WWC2: variants seen among roughly 807,000 people sequenced by gnomAD.
WWC2 encodes protein WWC2.
In WWC2, 101 loss-of-function variants were observed where a neutral mutation model predicts 138.5. The observed-to-expected ratio is 0.73, with a 90% confidence interval of 0.62 to 0.86. The LOEUF (loss-of-function observed/expected upper bound fraction) is 0.86. Among genes scored for constraint, WWC2 ranks in the 40% least tolerant of loss-of-function variants. WWC2 has a pLI of 0.00. For synonymous variants in WWC2, 558 were observed against 538.4 expected, an observed-to-expected ratio of 1.04 and a Z score of -0.50; for missense variants, 1,420 against 1,419.4, an observed-to-expected ratio of 1.00 and a Z score of -0.01.
intron 1 of WWC2, among the ~76,000 whole-genome samples, chr4:183,169,345 T>C (rs1057169016): frequency 6.6e-6 from 1 of 152,252 alleles, no homozygotes; most frequent in Non-Finnish European, 1.5e-5. Context: ...ACAAGTACGC[T>C]TCATGTGTTT....
Position 183,280,798 on chromosome 4 carries a change from C to T in WWC2, c.2585C>T (p.Ala862Val). Reference sequence around the variant, plus strand: ...CAGGATGCAGTGTCAGCCTTACTTGCAAGAACATCAGCTGAGTTGTTAGCT... The same window carrying T: ...CAGGATGCAGTGTCAGCCTTACTTGTAAGAACATCAGCTGAGTTGTTAGCT... ...IDLDAVSALL[A>V]RTSAELLAVE... The change falls in exon 17 of 23, where the codon GCA (alanine) becomes GTA (valine). Residue 862 changes from alanine (A) to valine (V), a missense_variant. Ala to Val is a moderately conservative substitution (Grantham distance 64). Coordinates refer to ENST00000403733, the MANE Select transcript of WWC2 (RefSeq NM_024949.6). The T allele has an allele frequency of 6.2e-7, 1 of 1,604,544 alleles. No homozygotes were observed. The highest frequency in any genetic ancestry group is 8.5e-7 in the Non-Finnish European group (1 of 1,175,498).
At chr4:183,185,083 C>T (rs1231749905) in intron 1 of WWC2, among the ~76,000 whole-genome samples, 2 of 151,940 alleles carry the variant, frequency 1.3e-5, no homozygotes, top group South Asian at 2.1e-4. Context: ...TGAAGTTTAC[C>T]GATCAGTATT....
chr4:183,233,128 T>C (rs1358552841), intron 4 of WWC2, among the ~76,000 whole-genome samples: 2 of 146,570 alleles, frequency 1.4e-5, no homozygotes, highest in Non-Finnish European at 3.0e-5. Flanking sequence ...TTACTGTGTA[T>C]TTTTTTTTTC....
intron 14 of WWC2, among the ~76,000 whole-genome samples, chr4:183,268,273 T>C (rs1377929535): frequency 1.3e-5 from 2 of 152,180 alleles, no homozygotes; most frequent in African/African-American, 4.8e-5. Flanking sequence ...TTTCTAAGAA[T>C]TGTGGGTCCT....
chr4:183,275,449 T>C (rs1411939856), intron 16 of WWC2, among the ~76,000 whole-genome samples: 1 of 152,166 alleles, frequency 6.6e-6, no homozygotes, highest in African/African-American at 2.4e-5. Flanking sequence ...GGCTTTTTCA[T>C]AGATGTCCTT....
Position 183,319,844 on chromosome 4 carries a change from C to T in WWC2, c.*4115C>T, listed in dbSNP as rs1367221246. The T allele has an allele frequency of 1.9e-6, 3 of 1,613,866 alleles. No homozygotes were observed. Among genetic ancestry groups the T allele is most frequent in the African/African-American group, 2.7e-5 (2 of 74,918 alleles). On this transcript the variant is annotated 3_prime_UTR_variant, in exon 23 of 23. Coordinates refer to ENST00000403733, the MANE Select transcript of WWC2 (RefSeq NM_024949.6). ...GGGCTGTGACTCCCGAGGCCCAGGA[C>T]AGAATTCCTCCCAGGATCAGCAGTC... is the stretch of plus-strand genomic sequence containing the variant.
At chr4:183,229,320 A>C (rs1736171370) in intron 4 of WWC2, among the ~76,000 whole-genome samples, 1 of 152,096 alleles carries the variant, frequency 6.6e-6, no homozygotes, top group Admixed American at 6.5e-5. Context: ...TTAGTGAGTA[A>C]AACTTTGAAA....
intron 9 of WWC2, among the ~76,000 whole-genome samples, chr4:183,259,367 T>C (rs1241945069): frequency 6.6e-6 from 1 of 152,162 alleles, no homozygotes; most frequent in African/African-American, 2.4e-5. Flanking sequence ...CAAAGGACCA[T>C]ATTACTTACC....
chr4:183,204,236 T>C (rs1735382771), intron 2 of WWC2, among the ~76,000 whole-genome samples: 1 of 152,150 alleles, frequency 6.6e-6, no homozygotes, highest in African/African-American at 2.4e-5. Context: ...TGCAGGTGAG[T>C]TAGCGAAGTG....
intron 1 of WWC2, among the ~76,000 whole-genome samples, chr4:183,131,076 T>C (rs1400716467): frequency 6.6e-6 from 1 of 152,048 alleles, no homozygotes; most frequent in Non-Finnish European, 1.5e-5. Flanking sequence ...ACCCACACAA[T>C]TGTGGACATT....
intron 21 of WWC2, among the ~76,000 whole-genome samples, chr4:183,298,320 G>A (rs1469490239): frequency 2.0e-5 from 3 of 152,182 alleles, no homozygotes; most frequent in African/African-American, 7.2e-5. Context: ...TGTCAGAGGA[G>A]TTGAACCTCA....
chr4:183,275,453 T>C (rs1322553045), intron 16 of WWC2, among the ~76,000 whole-genome samples: 1 of 152,166 alleles, frequency 6.6e-6, no homozygotes, highest in Non-Finnish European at 1.5e-5. Flanking sequence ...TTTTCATAGA[T>C]GTCCTTTATC....
chr4:183,319,938 C>T lies in WWC2; in HGVS notation c.*4209C>T. Reference sequence around the variant, plus strand: ...CAGGCCAAACCCAGAGACCAGCAGGCCCAGAAATCCCAGCCCATTTGACAG... The same window carrying T: ...CAGGCCAAACCCAGAGACCAGCAGGTCCAGAAATCCCAGCCCATTTGACAG... On this transcript the variant is annotated 3_prime_UTR_variant, in exon 23 of 23. Transcript: ENST00000403733. The T allele has an allele frequency of 6.2e-7, 1 of 1,613,430 alleles. No individual in the cohort carries two copies. Among genetic ancestry groups the T allele is most frequent in the Non-Finnish European group, 8.5e-7 (1 of 1,179,626 alleles).
At position 183,099,513 on chromosome 4, in the gene WWC2, G is replaced by T. The variant is rs1163631197; in HGVS notation, c.22G>T (p.Gly8Cys). MPRRAGS[G>C]QLPLPRGWEE... ...GACCATGCCTAGGAGGGCCGGGAGC[G>T]GTCAGCTGCCGCTGCCCCGGGGCTG... is the stretch of plus-strand genomic sequence containing the variant. The change falls in exon 1 of 23, where the codon GGT (glycine) becomes TGT (cysteine). Residue 8 changes from glycine (G) to cysteine (C), a missense_variant. Coordinates refer to ENST00000403733, the MANE Select transcript of WWC2 (RefSeq NM_024949.6). 4.3e-6 allele frequency: 6 copies of T among 1,389,190 alleles called. No homozygotes were observed. Among genetic ancestry groups the T allele is most frequent in the Middle Eastern group, 1.9e-4 (1 of 5,170 alleles). 86.1% of individuals were successfully genotyped at this position (1,389,190 alleles called of 1,614,324 possible).
chr4:183,258,962 T>C (rs1167189272), intron 9 of WWC2, among the ~76,000 whole-genome samples: 1 of 131,594 alleles, frequency 7.6e-6, no homozygotes, highest in Non-Finnish European at 1.7e-5. Flanking sequence ...TATAATGCTG[T>C]ACTCTTAAAA....
chr4:183,317,729 C>T lies in WWC2; in HGVS notation c.*2000C>T, dbSNP rs1238987702. The T allele has an allele frequency of 6.6e-6, 1 of 152,298 alleles. No individual in the cohort carries two copies. Among genetic ancestry groups the T allele is most frequent in the Admixed American group, 6.5e-5 (1 of 15,282 alleles). 9.4% of individuals were successfully genotyped at this position (152,298 alleles called of 1,614,324 possible). ...TTTTAAATATTTGACACAGAAGAGA[C>T]TATATTGGAATATTTACAGCTTTAT... On this transcript the variant is annotated 3_prime_UTR_variant, in exon 23 of 23. Coordinates refer to ENST00000403733, the MANE Select transcript of WWC2 (RefSeq NM_024949.6).
chr4:183,159,977 C>T (rs1487136088), intron 1 of WWC2, among the ~76,000 whole-genome samples: 1 of 152,166 alleles, frequency 6.6e-6, no homozygotes, highest in Non-Finnish European at 1.5e-5. Context: ...GCATTTCTCA[C>T]TTTGCCTGAT....
rs557607513 is a variant in WWC2, at chr4:183,163,349, A to G, written c.132-30250A>G. ...CATCCATCAGTGGAGTGCAGCTGGA[A>G]GCTGAGAAATCTGTTCTTTCATCAC... On this transcript the variant is annotated intron_variant, in intron 1 of 22. Coordinates refer to ENST00000403733, the MANE Select transcript of WWC2 (RefSeq NM_024949.6). Among the ~76,000 whole-genome samples, 10 of 152,338 alleles carry G rather than the reference A, an allele frequency of 6.6e-5. No individual in the cohort carries two copies. The South Asian group carries it at 1.9e-3, about 28-fold the overall frequency.
At chr4:183,182,879 A>C (rs1278197592) in intron 1 of WWC2, among the ~76,000 whole-genome samples, 4 of 152,226 alleles carry the variant, frequency 2.6e-5, no homozygotes, top group African/African-American at 9.6e-5. Flanking sequence ...ATAAATAGAA[A>C]ATTTTTGAAA....
Sources: gnomAD v4.1 joint callset for allele counts (sites outside exome capture counted in the v4.1 genomes callset) on GRCh38, gnomAD v4.1.1 for gene constraint, MANE v1.5 for transcripts, NCBI Gene and HGNC (gene_info 2026-07-23, HGNC 2026-07-21) for gene names.